Variants in RIT2 observed in about 807,000 individuals in gnomAD.
The protein encoded by RIT2 is Ras like without CAAX 2.
In RIT2, 24 loss-of-function variants were observed where a neutral mutation model predicts 23.7. The ratio of observed to expected loss-of-function variants is 1.01; its 90% CI spans 0.73 to 1.43. The LOEUF (loss-of-function observed/expected upper bound fraction) is 1.43, where lower values mean the gene tolerates loss of function less well. Ranked by LOEUF, RIT2 falls within the 40% of genes most tolerant of loss-of-function variation. The pLI is 0.00. For synonymous variants in RIT2, 107 were observed against 91.1 expected (o/e 1.17, Z -0.99); for missense variants, 236 against 266.9 (o/e 0.88, Z 0.81).
chr18:42,875,967 T>C (rs1907733776), intron 4 of RIT2, among the ~76,000 whole-genome samples: 1 of 152,058 alleles, frequency 6.6e-6, no homozygotes, highest in Non-Finnish European at 1.5e-5. Flanking sequence ...AGGAGATAGT[T>C]TGGAAAGGGC....
intron 1 of RIT2, among the ~76,000 whole-genome samples, chr18:43,037,179 C>T (rs536787803): frequency 3.7e-4 from 57 of 152,092 alleles, no homozygotes; most frequent in Non-Finnish European, 5.4e-4. Flanking sequence ...CACACAAGAA[C>T]ACAATATTGA....
At chr18:42,967,536 A>ATTTTTTT (rs397940927) in intron 3 of RIT2, among the ~76,000 whole-genome samples, 20 of 80,756 alleles carry the variant, frequency 2.5e-4, no homozygotes, top group African/African-American at 6.2e-4. Flanking sequence ...CGCCCGGCTA[A>ATTTTTTT]TTTTTTTTTT....
chr18:42,743,681 T>C lies in RIT2; in HGVS notation c.466A>G (p.Asn156Asp). 2 of 1,613,806 alleles carry C rather than the reference T, an allele frequency of 1.2e-6. No homozygotes were observed. The change falls in exon 5 of 5, where the codon AAT (asparagine) becomes GAT (aspartate). Residue 156 changes from asparagine to aspartate, a missense_variant. Asn to Asp is a conservative substitution (Grantham distance 23, BLOSUM62 1). Transcript: ENST00000326695. Reference protein sequence around the residue: ...EEGLSLAQEYNCGFFETSAAL... With the variant: ...EEGLSLAQEYDCGFFETSAAL... ...GCAGAGGTCTCAAAAAAACCACAAT[T>C]ATATTCTTGGGCAAGACTCAAGCCT...
At chr18:42,988,169 A>C (rs891150789) in intron 2 of RIT2, among the ~76,000 whole-genome samples, 1 of 152,176 alleles carries the variant, frequency 6.6e-6, no homozygotes, top group Non-Finnish European at 1.5e-5. Context: ...CAATCTTAGA[A>C]ACATAATGTT....
At chr18:43,061,492 C>T (rs2144323135) in intron 1 of RIT2, among the ~76,000 whole-genome samples, 1 of 152,214 alleles carries the variant, frequency 6.6e-6, no homozygotes, top group Admixed American at 6.5e-5. Context: ...GACAGGTCCC[C>T]TGTGAAACCT....
At chr18:42,799,734 A>G (rs1201830784) in intron 4 of RIT2, among the ~76,000 whole-genome samples, 2 of 152,110 alleles carry the variant, frequency 1.3e-5, no homozygotes, top group African/African-American at 4.8e-5. Context: ...GTCTCCATCC[A>G]TATTGGTTTT....
chr18:43,104,588 G>A (rs1048845826), intron 1 of RIT2, among the ~76,000 whole-genome samples: 1 of 151,850 alleles, frequency 6.6e-6, no homozygotes, highest in African/African-American at 2.4e-5. Flanking sequence ...AAGATGCTGA[G>A]GTATTCCAGA....
intron 3 of RIT2, among the ~76,000 whole-genome samples, chr18:42,930,164 C>G (rs1238839998): frequency 6.6e-6 from 1 of 151,948 alleles, no homozygotes; most frequent in Non-Finnish European, 1.5e-5. Flanking sequence ...AATAGGAAAC[C>G]AAGAACTCAG....
intron 4 of RIT2, among the ~76,000 whole-genome samples, chr18:42,856,430 C>T (rs1161339239): frequency 6.6e-6 from 1 of 152,214 alleles, no homozygotes; most frequent in Non-Finnish European, 1.5e-5. Context: ...TGAGCCTACA[C>T]ATAAAACTAG....
intron 3 of RIT2, among the ~76,000 whole-genome samples, chr18:42,946,092 A>G (rs962274974): frequency 1.3e-5 from 2 of 152,104 alleles, no homozygotes; most frequent in African/African-American, 4.8e-5. Flanking sequence ...TACAAAACTA[A>G]AATTTCTCAA....
At chr18:42,948,255 A>C (rs1010107990) in intron 3 of RIT2, among the ~76,000 whole-genome samples, 1 of 152,118 alleles carries the variant, frequency 6.6e-6, no homozygotes, top group African/African-American at 2.4e-5. Context: ...ATGTCCTGAC[A>C]TGTTGTTCAA....
At chr18:42,855,446 C>G (rs949672246) in intron 4 of RIT2, among the ~76,000 whole-genome samples, 1 of 152,106 alleles carries the variant, frequency 6.6e-6, no homozygotes, top group African/African-American at 2.4e-5. Flanking sequence ...CTATAATTCA[C>G]CAAATGTATC....
chr18:43,037,296 C>A (rs1353250127), intron 1 of RIT2, among the ~76,000 whole-genome samples: 1 of 152,160 alleles, frequency 6.6e-6, no homozygotes, highest in Non-Finnish European at 1.5e-5. Context: ...TATCAATGAA[C>A]AATGCAATTG....
At chr18:42,989,511 A>G (rs1910790055) in intron 2 of RIT2, among the ~76,000 whole-genome samples, 1 of 152,240 alleles carries the variant, frequency 6.6e-6, no homozygotes. Context: ...ATGTCATTTG[A>G]ATGTCTGCAA....
At chr18:43,074,615 T>C (rs1180170486) in intron 1 of RIT2, among the ~76,000 whole-genome samples, 2 of 152,196 alleles carry the variant, frequency 1.3e-5, no homozygotes, top group Non-Finnish European at 2.9e-5. Flanking sequence ...ATTGCAGCCA[T>C]ATTCACAATA....
At chr18:42,753,001 C>A (rs537047830) in intron 4 of RIT2, among the ~76,000 whole-genome samples, 2 of 152,050 alleles carry the variant, frequency 1.3e-5, no homozygotes, top group South Asian at 4.1e-4. Context: ...CCTTTTTCAC[C>A]GAAGAAGATC....
At chr18:42,965,723 T>TTTTTTA (rs1910205235) in intron 3 of RIT2, among the ~76,000 whole-genome samples, 1 of 99,938 alleles carries the variant, frequency 1.0e-5, no homozygotes, top group Non-Finnish European at 2.0e-5. Flanking sequence ...TTTTTTTTTT[T>TTTTTTA]TTTTTTTTTT....
chr18:42,877,112 G>T (rs1907763177), intron 4 of RIT2, among the ~76,000 whole-genome samples: 1 of 151,656 alleles, frequency 6.6e-6, no homozygotes, highest in Admixed American at 6.6e-5. Flanking sequence ...TTCAATTTCT[G>T]TGACAGACAC....
chr18:42,943,134 T>G (rs1440759830), intron 3 of RIT2, among the ~76,000 whole-genome samples: 4 of 152,116 alleles, frequency 2.6e-5, no homozygotes, highest in African/African-American at 9.6e-5. Flanking sequence ...CTGGCTGGTG[T>G]GGCCAGCTTT....
Sources: gnomAD v4.1 joint callset for allele counts (sites outside exome capture counted in the v4.1 genomes callset) on GRCh38, gnomAD v4.1.1 for gene constraint, MANE v1.5 for transcripts, NCBI Gene and HGNC (gene_info 2026-07-23, HGNC 2026-07-21) for gene names.